The following ARHGAP26 variants were observed in gnomAD, a reference collection of about 807,000 sequenced individuals.
The protein encoded by ARHGAP26 is rho GTPase-activating protein 26.
Under a neutral mutation model 104.8 loss-of-function variants are expected in ARHGAP26, and 38 were observed. The ratio of observed to expected loss-of-function variants is 0.36; its 90% confidence interval spans 0.28 to 0.48. The LOEUF (loss-of-function observed/expected upper bound fraction) is 0.48, where lower values mean the gene tolerates loss of function less well. Ranked by LOEUF, ARHGAP26 falls within the 20% of genes least tolerant of loss-of-function variation. The pLI is 0.99. For synonymous variants in ARHGAP26, 341 were observed against 340.0 expected (o/e 1.00, Z -0.03); for missense variants, 704 against 947.9 (o/e 0.74, Z 3.38).
intron 19 of ARHGAP26, among the ~76,000 whole-genome samples, chr5:143,145,030 GAGTC>G (rs1385594490): frequency 2.6e-4 from 40 of 152,306 alleles, no homozygotes; most frequent in African/African-American, 8.2e-4. Context: ...TACCAATAAA[GAGTC>G]AGCCTTTCAA....
chr5:143,066,304 G>A lies in ARHGAP26; in HGVS notation c.1538+8557G>A, dbSNP rs1172441148. On this transcript the variant is annotated intron_variant, in intron 17 of 22. Coordinates refer to ENST00000645722, the MANE Select transcript of ARHGAP26 (RefSeq NM_001135608.3). ...GGTTTGTGCAAATGCACTCTATGAT[G>A]TTCACACAGCAATGAAATTGCCTAA... 3.3e-5 allele frequency among the ~76,000 whole-genome samples: 5 copies of A among 152,166 alleles called. No individual in the cohort carries two copies. In the East Asian group the frequency reaches 9.6e-4, roughly 29 times the overall value.
intron 1 of ARHGAP26, among the ~76,000 whole-genome samples, chr5:142,797,204 C>A (rs1761151754): frequency 6.6e-6 from 1 of 152,102 alleles, no homozygotes; most frequent in Non-Finnish European, 1.5e-5. Flanking sequence ...CCTAAAACAT[C>A]CTTTGGGAGA....
At chr5:143,023,431 C>T (rs922182829) in intron 12 of ARHGAP26, among the ~76,000 whole-genome samples, 3 of 151,740 alleles carry the variant, frequency 2.0e-5, no homozygotes, top group Non-Finnish European at 4.4e-5. Context: ...ATGGGATCGC[C>T]TGGGCCACTA....
intron 1 of ARHGAP26, among the ~76,000 whole-genome samples, chr5:142,831,685 C>T (rs1169983690): frequency 2.6e-5 from 4 of 152,254 alleles, no homozygotes; most frequent in African/African-American, 7.2e-5. Flanking sequence ...CTGCAGCCCC[C>T]ACCCTCTGCC....
chr5:143,068,590 T>A (rs1161129633), intron 17 of ARHGAP26, among the ~76,000 whole-genome samples: 1 of 152,228 alleles, frequency 6.6e-6, no homozygotes, highest in Non-Finnish European at 1.5e-5. Flanking sequence ...CATTAACTTT[T>A]CTGTCTCTAC....
chr5:143,207,941 G>A (rs1216536175), intron 21 of ARHGAP26, among the ~76,000 whole-genome samples: 2 of 152,214 alleles, frequency 1.3e-5, no homozygotes, highest in African/African-American at 4.8e-5. Context: ...CTTGAGAGAC[G>A]AAGCGATTTC....
intron 21 of ARHGAP26, among the ~76,000 whole-genome samples, chr5:143,211,945 A>G (rs1454824508): frequency 6.6e-6 from 1 of 152,194 alleles, no homozygotes; most frequent in Non-Finnish European, 1.5e-5. Context: ...TTGAATGATA[A>G]TCTTGGGCAC....
intron 7 of ARHGAP26, among the ~76,000 whole-genome samples, 179 bp downstream of exon 7, chr5:142,902,218 A>G (rs72799071): frequency 0.025 from 3,867 of 152,040 alleles, 86 homozygotes; most frequent in Non-Finnish European, 0.034. Context: ...TCTGAGTTAG[A>G]CCATCATCCT....
chr5:143,151,043 A>G (rs943830866), intron 20 of ARHGAP26, among the ~76,000 whole-genome samples: 27 of 152,368 alleles, frequency 1.8e-4, no homozygotes, highest in Admixed American at 1.4e-3. Flanking sequence ...AGTATCCAAA[A>G]TATACAGAGA....
At chr5:142,938,063 G>A (rs1170813896) in intron 11 of ARHGAP26, among the ~76,000 whole-genome samples, 1 of 152,126 alleles carries the variant, frequency 6.6e-6, no homozygotes, top group African/African-American at 2.4e-5. Flanking sequence ...ATGAACTCAT[G>A]TCAAAACTGA....
chr5:142,772,565 G>T (rs1755435455), intron 1 of ARHGAP26, among the ~76,000 whole-genome samples: 1 of 152,202 alleles, frequency 6.6e-6, no homozygotes, highest in Non-Finnish European at 1.5e-5. Flanking sequence ...TGCTTACAGA[G>T]GTGTACTTCA....
intron 20 of ARHGAP26, among the ~76,000 whole-genome samples, chr5:143,200,748 G>C (rs907476473): frequency 6.6e-6 from 1 of 152,204 alleles, no homozygotes; most frequent in Non-Finnish European, 1.5e-5. Flanking sequence ...AATTTTGAAA[G>C]ATTAACTTTC....
At chr5:143,121,622 G>A (rs7705013) in intron 18 of ARHGAP26, among the ~76,000 whole-genome samples, 44,016 of 151,980 alleles carry the variant, frequency 0.29, 9,358 homozygotes, top group African/African-American at 0.59. Flanking sequence ...TTGTCTTTCA[G>A]TTTTATAAAT....
chr5:143,122,240 T>G (rs1796227685), intron 18 of ARHGAP26, among the ~76,000 whole-genome samples: 1 of 152,188 alleles, frequency 6.6e-6, no homozygotes, highest in African/African-American at 2.4e-5. Flanking sequence ...CTACCTGATC[T>G]CGTCTCCTGC....
chr5:143,168,705 G>A (rs1400113596), intron 20 of ARHGAP26: 1 of 152,074 alleles, frequency 6.6e-6, no homozygotes, highest in African/African-American at 2.4e-5. Context: ...TTGCCTTGGA[G>A]TTAGGCTATA....
intron 1 of ARHGAP26, among the ~76,000 whole-genome samples, chr5:142,848,116 T>G (rs1273465909): frequency 2.0e-5 from 3 of 152,182 alleles, no homozygotes; most frequent in Non-Finnish European, 1.5e-5. Context: ...GAGAAAGGAA[T>G]TTTGAACTTC....
chr5:143,130,580 A>G (rs1012941821), intron 18 of ARHGAP26, among the ~76,000 whole-genome samples: 1 of 152,230 alleles, frequency 6.6e-6, no homozygotes, highest in Non-Finnish European at 1.5e-5. Flanking sequence ...TCTTCTCTAC[A>G]GACTGAAGAA....
intron 1 of ARHGAP26, among the ~76,000 whole-genome samples, chr5:142,774,809 A>AT (rs1396856954): frequency 1.3e-5 from 2 of 152,092 alleles, no homozygotes; most frequent in Non-Finnish European, 2.9e-5. Flanking sequence ...CTTTTCCAGA[A>AT]TGTCATGTAG....
At chr5:142,921,011 A>G (rs1763118607) in intron 10 of ARHGAP26, among the ~76,000 whole-genome samples, 1 of 152,176 alleles carries the variant, frequency 6.6e-6, no homozygotes, top group Non-Finnish European at 1.5e-5. Flanking sequence ...TGGAGATATA[A>G]AGTTTACAAA....
Sources: gnomAD v4.1 joint callset for allele counts (sites outside exome capture counted in the v4.1 genomes callset) on GRCh38, gnomAD v4.1.1 for gene constraint, MANE v1.5 for transcripts, NCBI Gene and HGNC (gene_info 2026-07-23, HGNC 2026-07-21) for gene names.